The following OLA1 variants were observed in gnomAD, a reference collection of about 807,000 sequenced individuals.
The protein encoded by OLA1 is obg-like ATPase 1.
OLA1 carries 14 observed loss-of-function variants against 48.4 expected under a neutral mutation model. The observed-to-expected ratio is 0.29, with a 90% CI of 0.19 to 0.45. The LOEUF (loss-of-function observed/expected upper bound fraction) is 0.45. Among genes scored for constraint, OLA1 ranks in the 20% least tolerant of loss-of-function variants. The probability of loss-of-function intolerance (pLI) is 1.00; values close to 1 mark genes in which losing one functional copy is unlikely to be tolerated. For missense variants in OLA1, 325 were observed against 467.1 expected (o/e 0.70, Z 2.80); for synonymous variants, 127 against 150.4 (o/e 0.84, Z 1.14).
chr2:174,214,869 A>G (rs4563190), intron 4 of OLA1, among the ~76,000 whole-genome samples: 81,567 of 151,436 alleles, frequency 0.54, 22,563 homozygotes, highest in East Asian at 0.95. Flanking sequence ...GGCCAACATG[A>G]TGAAACCCCG....
Position 174,072,548 on chromosome 2 carries a change from C to T in OLA1, c.*2878G>A, listed in dbSNP as rs1382478488. The T allele has an allele frequency of 6.6e-6, 1 of 152,120 alleles. No homozygotes were observed. Among genetic ancestry groups the T allele is most frequent in the Admixed American group, 6.6e-5 (1 of 15,266 alleles). 9.4% of individuals were successfully genotyped at this position (152,120 alleles called of 1,614,324 possible). On this transcript the variant is annotated 3_prime_UTR_variant, in exon 11 of 11. Transcript: ENST00000284719. ...TAAAGTAGTTTGCCATTAGGAACAA[C>T]CGACATTTCTCAAGTCTCTTGTAAA...
In OLA1 at chr2:174,075,339, T is replaced by C. The variant is rs536987884; in HGVS notation, c.*87A>G. 2.8e-6 allele frequency: 2 copies of C among 717,336 alleles called. No homozygotes were observed. Among genetic ancestry groups the C allele is most frequent in the Admixed American group, 2.6e-5 (1 of 37,818 alleles). The allele number at this position is 717,336 out of a possible 1,614,324, so 44.4% of individuals were successfully genotyped here. A position where few individuals can be genotyped will look rare whatever the true frequency, so the allele number is the denominator to read the frequency against. ...AAGATTCCCATCTCCCCAACTTTAT[T>C]TGTCGCATTGGTTTTCAGAAATTTT... On this transcript the variant is annotated 3_prime_UTR_variant, in exon 11 of 11. Transcript: ENST00000284719.
intron 5 of OLA1, among the ~76,000 whole-genome samples, chr2:174,138,367 G>A (rs1686359550): frequency 1.3e-5 from 2 of 152,190 alleles, no homozygotes; most frequent in South Asian, 2.1e-4. Context: ...GCCAGTAGGT[G>A]GAGCAATCAG....
At position 174,112,597 on chromosome 2, in the gene OLA1, G is replaced by A. The variant is rs187718460; in HGVS notation, c.728+10583C>T. Among the ~76,000 whole-genome samples, 907 of 152,250 alleles carry A rather than the reference G, an allele frequency of 6.0e-3. 2 individuals are homozygous for A. The highest frequency in any genetic ancestry group is 0.01 in the Non-Finnish European group (711 of 68,026). ...CTTTAAGAGGTGGCTAGGTCATGAG[G>A]GCTCACCCCTTATGAAGCAATTAAT... is the stretch of plus-strand genomic sequence containing the variant. On this transcript the variant is annotated intron_variant, in intron 7 of 10. Coordinates refer to ENST00000284719, the MANE Select transcript of OLA1 (RefSeq NM_013341.5).
chr2:174,081,432 A>G (rs901871122), intron 8 of OLA1, among the ~76,000 whole-genome samples, 184 bp from the exon 9 acceptor site: 4 of 152,094 alleles, frequency 2.6e-5, no homozygotes, highest in Admixed American at 2.6e-4. Context: ...CTCTCTTCTA[A>G]AATTGGTTTT....
chr2:174,132,110 G>T (rs981118548), intron 5 of OLA1, among the ~76,000 whole-genome samples: 10 of 151,480 alleles, frequency 6.6e-5, no homozygotes, highest in African/African-American at 2.2e-4. Flanking sequence ...TTTTAAATTT[G>T]CCCATCTCAT....
intron 7 of OLA1, among the ~76,000 whole-genome samples, chr2:174,089,881 G>T (rs6736206): frequency 7.1e-6 from 1 of 141,042 alleles, no homozygotes; most frequent in African/African-American, 2.7e-5. Flanking sequence ...TAGCCTTTGC[G>T]ACAGGGCGAG....
intron 3 of OLA1, among the ~76,000 whole-genome samples, chr2:174,226,666 C>T (rs113784227): frequency 1.7e-3 from 256 of 152,134 alleles, no homozygotes; most frequent in African/African-American, 6.0e-3. Flanking sequence ...CGTCCGGCTA[C>T]TTTTGTATTT....
chr2:174,078,533 A>C (rs1684796627), intron 10 of OLA1, among the ~76,000 whole-genome samples: 2 of 151,944 alleles, frequency 1.3e-5, no homozygotes, highest in Admixed American at 6.6e-5. Flanking sequence ...TAAACAACAA[A>C]CAAGTAAAAC....
At chr2:174,244,693 G>A (rs1483650599) in intron 2 of OLA1, among the ~76,000 whole-genome samples, 1 of 151,302 alleles carries the variant, frequency 6.6e-6, no homozygotes, top group African/African-American at 2.4e-5. Context: ...GCGGGACCTT[G>A]GCTCACTGCA....
chr2:174,095,185 TCA>T (rs1192018480), intron 7 of OLA1, among the ~76,000 whole-genome samples: 9 of 152,190 alleles, frequency 5.9e-5, no homozygotes. Flanking sequence ...GCTTGCTGGA[TCA>T]CATAGTAATT....
chr2:174,215,465 T>A (rs868299048), intron 4 of OLA1, among the ~76,000 whole-genome samples: 6 of 152,286 alleles, frequency 3.9e-5, no homozygotes, highest in African/African-American at 1.4e-4. Context: ...ACACACAGAC[T>A]TTTTTTCAAT....
chr2:174,161,210 G>A (rs1687003718), intron 4 of OLA1, among the ~76,000 whole-genome samples: 1 of 152,078 alleles, frequency 6.6e-6, no homozygotes, highest in African/African-American at 2.4e-5. Flanking sequence ...TGCTAGCTAA[G>A]TTTTAATCCT....
chr2:174,087,451 T>A lies in OLA1; in HGVS notation c.729-5387A>T, dbSNP rs889830941. Among the ~76,000 whole-genome samples, 4 of 140,578 alleles carry A rather than the reference T, an allele frequency of 2.8e-5. No homozygotes were observed. In the South Asian group the frequency reaches 8.6e-4, roughly 30 times the overall value. The allele number at this position is 140,578 out of a possible 152,430, so 92.2% of individuals were successfully genotyped here. ...CTTCCTGTATTGGCCCAGTTCACCA[T>A]CTTAACAGGAAGCACTTCATACTAC... On this transcript the variant is annotated intron_variant, in intron 7 of 10. Coordinates refer to ENST00000284719, the MANE Select transcript of OLA1 (RefSeq NM_013341.5).
chr2:174,216,943 T>C (rs1688374228), intron 4 of OLA1, among the ~76,000 whole-genome samples: 1 of 152,366 alleles, frequency 6.6e-6, no homozygotes, highest in African/African-American at 2.4e-5. Context: ...TAATAGTTTA[T>C]ATTACTTGTA....
chr2:174,200,768 T>A (rs1029106783), intron 4 of OLA1, among the ~76,000 whole-genome samples: 2 of 152,106 alleles, frequency 1.3e-5, no homozygotes, highest in African/African-American at 2.4e-5. Flanking sequence ...CTTTTTTTTT[T>A]AATCCCATCC....
At chr2:174,142,524 T>A (rs1314640958) in intron 4 of OLA1, among the ~76,000 whole-genome samples, 1 of 152,188 alleles carries the variant, frequency 6.6e-6, no homozygotes, top group Non-Finnish European at 1.5e-5. Flanking sequence ...AGGGTATGGT[T>A]TTTAGGGGGC....
intron 5 of OLA1, 92 bp downstream of exon 5, chr2:174,141,733 C>T (rs951762800): frequency 1.0e-6 from 1 of 957,590 alleles, no homozygotes; most frequent in Admixed American, 2.8e-5. Flanking sequence ...AATTCCATAA[C>T]AATATTAGAT....
At chr2:174,189,938 A>T (rs1298582031) in intron 4 of OLA1, among the ~76,000 whole-genome samples, 2 of 152,024 alleles carry the variant, frequency 1.3e-5, no homozygotes, top group African/African-American at 2.4e-5. Context: ...GAATGATCTG[A>T]ATAAACAACA....
Sources: allele counts gnomAD v4.1 joint callset (sites outside exome capture counted in the v4.1 genomes callset), GRCh38; gene constraint gnomAD v4.1.1; transcripts MANE v1.5; gene names NCBI Gene and HGNC (gene_info 2026-07-23, HGNC 2026-07-21).